Variants in CCDC200 observed in about 807,000 individuals in gnomAD.
CCDC200 encodes coiled-coil domain-containing protein 200.
chr17:43,223,338 C>T (rs2057546449), intron 3 of CCDC200, among the ~76,000 whole-genome samples: 1 of 144,534 alleles, frequency 6.9e-6, no homozygotes, highest in South Asian at 2.2e-4. Flanking sequence ...GACTACTGCA[C>T]CCAGCTTCCT....
chr17:43,227,046 T>C (rs2057574096), intron 1 of CCDC200, among the ~76,000 whole-genome samples: 2 of 152,086 alleles, frequency 1.3e-5, no homozygotes, highest in South Asian at 2.1e-4. Flanking sequence ...CGGCGCGATC[T>C]TGGCTCACTG....
At chr17:43,227,649 CTACTTTTTG>C (rs1217672924) in intron 1 of CCDC200, among the ~76,000 whole-genome samples, 5 of 151,596 alleles carry the variant, frequency 3.3e-5, no homozygotes, top group Non-Finnish European at 7.4e-5. Context: ...CCATGCCTAG[CTACTTTTTG>C]TACTTTTAGT....
At chr17:43,231,018 C>T (rs1245357345), upstream of CCDC200, among the ~76,000 whole-genome samples, 4 of 94,568 alleles carry the variant, frequency 4.2e-5, no homozygotes, top group African/African-American at 1.1e-4. Flanking sequence ...GTGGCTCACA[C>T]CTGTAATCCC....
chr17:43,227,171 G>T (rs1331604219), intron 1 of CCDC200, among the ~76,000 whole-genome samples: 1 of 151,744 alleles, frequency 6.6e-6, no homozygotes. Context: ...TAGAGATGGG[G>T]TTTCACCATG....
chr17:43,225,680 G>GTATAAATATATATATATATATATATATA (rs2057563072), intron 1 of CCDC200, among the ~76,000 whole-genome samples: 1 of 16,612 alleles, frequency 6.0e-5, no homozygotes. Flanking sequence ...AAAAAAAAAA[G>GTATAAATATATATATATATATATATATA]TATATATATA....
chr17:43,225,693 T>TATATATATATATATATA (rs1282739067), intron 1 of CCDC200, among the ~76,000 whole-genome samples: 3 of 28,970 alleles, frequency 1.0e-4, no homozygotes, highest in Non-Finnish European at 6.8e-4. Context: ...TATATATATA[T>TATATATATATATATATA]TGCATGCTAC....
At chr17:43,230,943 G>A (rs1567882267), upstream of CCDC200, among the ~76,000 whole-genome samples, 1 of 81,288 alleles carries the variant, frequency 1.2e-5, no homozygotes, top group South Asian at 4.0e-4. Flanking sequence ...ATGCGCCACT[G>A]CACTCCAGCC....
rs2057533854 is a variant in CCDC200, at chr17:43,221,522, T to C, written c.*49A>G. ...CTGGATGCTGAGAAGATGTGGTTGC[T>C]CATCTGCATTTTGGGGATGGCCATG... On this transcript the variant is annotated 3_prime_UTR_variant, in exon 4 of 4. Transcript: ENST00000636331. 6.6e-6 allele frequency: 1 copy of C among 152,664 alleles called. No individual in the cohort carries two copies. The highest frequency in any genetic ancestry group is 1.5e-5 in the Non-Finnish European group (1 of 68,088). The allele number at this position is 152,664 out of a possible 1,614,324, so 9.5% of individuals were successfully genotyped here. A position where few individuals can be genotyped will look rare whatever the true frequency, so the allele number is the denominator to read the frequency against.
At chr17:43,225,764 C>A in intron 1 of CCDC200, among the ~76,000 whole-genome samples, 1 of 130,322 alleles carries the variant, frequency 7.7e-6, no homozygotes. Context: ...GACAGAGTCT[C>A]GTTCTGTCCC....
chr17:43,227,945 C>G (rs1213203066), intron 1 of CCDC200, among the ~76,000 whole-genome samples: 2 of 151,384 alleles, frequency 1.3e-5, no homozygotes, highest in East Asian at 3.9e-4. Flanking sequence ...CGTGTCTCTA[C>G]TAAAAATACA....
intron 1 of CCDC200, among the ~76,000 whole-genome samples, chr17:43,225,639 G>T (rs1381368163): frequency 1.3e-5 from 1 of 74,146 alleles, no homozygotes; most frequent in African/African-American, 3.6e-5. Context: ...CTCCAGCCTG[G>T]GCGACAGAAT....
intron 3 of CCDC200, among the ~76,000 whole-genome samples, chr17:43,223,260 T>TTTTC (rs1438394440): frequency 1.3e-5 from 2 of 148,292 alleles, no homozygotes; most frequent in Non-Finnish European, 3.0e-5. Context: ...TTTTTTTTTT[T>TTTTC]TGGAGATGTC....
intron 1 of CCDC200, among the ~76,000 whole-genome samples, chr17:43,227,093 C>T (rs537596103): frequency 6.6e-6 from 1 of 151,996 alleles, no homozygotes; most frequent in Admixed American, 6.6e-5. Context: ...ATTCCCCTAC[C>T]TCAGCCTCCC....
chr17:43,231,247 G>A (rs1161652218), upstream of CCDC200, among the ~76,000 whole-genome samples: 1 of 122,610 alleles, frequency 8.2e-6, no homozygotes, highest in African/African-American at 2.5e-5. Flanking sequence ...GGACCCAGGA[G>A]AGAAAGATAC....
At chr17:43,221,673 G>A (rs1430891308) in intron 3 of CCDC200, 76 bp from the exon 4 acceptor site, 1 of 152,644 alleles carries the variant, frequency 6.6e-6, no homozygotes, top group Non-Finnish European at 1.5e-5. Flanking sequence ...AATCCCTTGA[G>A]TCCAGAGGAA....
intron 3 of CCDC200, among the ~76,000 whole-genome samples, chr17:43,222,642 G>A (rs1224550369): frequency 6.7e-6 from 1 of 150,210 alleles, no homozygotes; most frequent in Admixed American, 6.6e-5. Flanking sequence ...ACAGGCTGGA[G>A]TGCAGTGGTG....
At chr17:43,225,272 G>A (rs771566824) in intron 1 of CCDC200, among the ~76,000 whole-genome samples, 2 of 151,980 alleles carry the variant, frequency 1.3e-5, no homozygotes. Context: ...AGCCTCAAGC[G>A]ATCCTCCCAC....
intron 3 of CCDC200, among the ~76,000 whole-genome samples, chr17:43,222,615 G>A (rs2057540582): frequency 6.7e-6 from 1 of 148,240 alleles, no homozygotes; most frequent in Non-Finnish European, 1.5e-5. Context: ...CTTTCAGGGA[G>A]GGTCTCACTC....
In CCDC200 at chr17:43,225,680, G is replaced by GTATATATA. The variant is rs1176223204; in HGVS notation, c.106-1139_106-1132dup. On this transcript the variant is annotated intron_variant, in intron 1 of 3. Coordinates refer to ENST00000636331, the MANE Select transcript of CCDC200 (RefSeq NM_001363254.2). ...TCCGTCTAAAAAAAAAAAAAAAAAA[G>GTATATATA]TATATATATATATTGCATGCTACAT... Among the ~76,000 whole-genome samples the GTATATATA allele has an allele frequency of 6.9e-3, 115 of 16,664 alleles. 44 individuals are homozygous for GTATATATA. Among genetic ancestry groups the GTATATATA allele is most frequent in the Non-Finnish European group, 0.059 (86 of 1,466 alleles). 10.9% of individuals were successfully genotyped at this position (16,664 alleles called of 152,430 possible). A position where few individuals can be genotyped will look rare whatever the true frequency, so the allele number is the denominator to read the frequency against.
Sources: allele counts gnomAD v4.1 joint callset (sites outside exome capture counted in the v4.1 genomes callset), GRCh38; gene constraint gnomAD v4.1.1; transcripts MANE v1.5; gene names NCBI Gene and HGNC (gene_info 2026-07-23, HGNC 2026-07-21).